TRPM3: variants seen among roughly 807,000 people sequenced by gnomAD.
TRPM3 encodes transient receptor potential cation channel subfamily M member 3, also known as long transient receptor potential channel 3.
A neutral mutation model predicts 181.2 loss-of-function variants in TRPM3; 77 were observed. The ratio of observed to expected loss-of-function variants is 0.42; its 90% CI spans 0.35 to 0.51. The LOEUF (loss-of-function observed/expected upper bound fraction) is 0.51. Among genes scored for constraint, TRPM3 ranks in the 20% least tolerant of loss-of-function variants. TRPM3 has a pLI of 0.01. For synonymous variants in TRPM3, 745 were observed against 796.4 expected (o/e 0.94, Z 1.09); for missense variants, 1,759 against 2,196.7 (o/e 0.80, Z 3.98).
intron 8 of TRPM3, among the ~76,000 whole-genome samples, chr9:70,681,891 C>T (rs2065538640): frequency 6.6e-6 from 1 of 152,162 alleles, no homozygotes; most frequent in African/African-American, 2.4e-5. Context: ...AATGTGATAG[C>T]TTTAGGAGGT....
chr9:71,201,200 T>C (rs5907973), intron 1 of TRPM3, among the ~76,000 whole-genome samples: 64,588 of 151,154 alleles, frequency 0.43, 14,189 homozygotes, highest in East Asian at 0.52. Context: ...TGAATATTGG[T>C]CCCCACTCTC....
At chr9:71,298,094 GA>G (rs11288806) in intron 1 of TRPM3, among the ~76,000 whole-genome samples, 22,793 of 142,348 alleles carry the variant, frequency 0.16, 2,015 homozygotes, top group Admixed American at 0.26. Flanking sequence ...TCTGCCACCA[GA>G]AAAAAAAAAA....
At chr9:70,621,157 TTA>T in intron 15 of TRPM3, 85 bp downstream of exon 15, 1 of 487,870 alleles carries the variant, frequency 2.0e-6, no homozygotes, top group Non-Finnish European at 3.0e-6. Context: ...ATATATTATT[TTA>T]TATATATACT....
chr9:70,652,094 C>T (rs539567342), intron 9 of TRPM3, among the ~76,000 whole-genome samples: 4 of 152,024 alleles, frequency 2.6e-5, no homozygotes, highest in South Asian at 2.1e-4. Flanking sequence ...AAAAAATGCT[C>T]GGAATTGGCA....
intron 1 of TRPM3, among the ~76,000 whole-genome samples, chr9:71,248,867 T>G (rs1354111892): frequency 6.6e-6 from 1 of 152,184 alleles, no homozygotes; most frequent in Non-Finnish European, 1.5e-5. Context: ...GTGAGCTTTA[T>G]GGCTCAAAAC....
At chr9:70,796,496 G>T (rs17553998) in intron 6 of TRPM3, among the ~76,000 whole-genome samples, 14 of 152,062 alleles carry the variant, frequency 9.2e-5, no homozygotes, top group South Asian at 2.1e-4. Context: ...TTGTCTCTGC[G>T]AGGAACATAT....
intron 1 of TRPM3, among the ~76,000 whole-genome samples, chr9:71,288,139 T>G (rs1373852373): frequency 1.3e-5 from 2 of 151,822 alleles, no homozygotes; most frequent in Non-Finnish European, 2.9e-5. Context: ...GTTTTCCCCA[T>G]TATTCCTTGC....
intron 3 of TRPM3, among the ~76,000 whole-genome samples, chr9:70,862,069 T>G (rs982959373): frequency 6.6e-6 from 1 of 152,084 alleles, no homozygotes; most frequent in Non-Finnish European, 1.5e-5. Flanking sequence ...TGGTCTGTAG[T>G]ATGCTTCTTT....
At chr9:70,619,950 C>T (rs1589399469) in intron 16 of TRPM3, 126 bp downstream of exon 16, 2 of 864,952 alleles carry the variant, frequency 2.3e-6, no homozygotes, top group Admixed American at 2.8e-5. Context: ...TGTGTCCATC[C>T]TGTGTGTGCA....
intron 1 of TRPM3, among the ~76,000 whole-genome samples, chr9:71,349,523 A>T (rs1565487203): frequency 6.6e-6 from 1 of 152,220 alleles, no homozygotes; most frequent in Admixed American, 6.5e-5. Context: ...CCTTAAATGG[A>T]GATTGAATTT....
At chr9:71,306,636 GA>G (rs2087352274) in intron 1 of TRPM3, among the ~76,000 whole-genome samples, 1 of 152,144 alleles carries the variant, frequency 6.6e-6, no homozygotes, top group Non-Finnish European at 1.5e-5. Flanking sequence ...AGCACTTTGG[GA>G]GGCTGAGGCA....
At chr9:71,185,687 T>C (rs573908499) in intron 1 of TRPM3, among the ~76,000 whole-genome samples, 3 of 152,054 alleles carry the variant, frequency 2.0e-5, no homozygotes, top group Non-Finnish European at 4.4e-5. Flanking sequence ...TGTAGTCTCA[T>C]TGCATATGAC....
chr9:70,936,343 C>T (rs1007100454), intron 1 of TRPM3, among the ~76,000 whole-genome samples: 2 of 152,200 alleles, frequency 1.3e-5, no homozygotes, highest in African/African-American at 4.8e-5. Context: ...GAAGACCTGA[C>T]AGCCATGGAA....
In TRPM3 at chr9:70,912,431, A is replaced by T. The variant is rs560352517; in HGVS notation, c.178-47920T>A. Among the ~76,000 whole-genome samples the T allele has an allele frequency of 5.9e-5, 9 of 152,352 alleles. No homozygotes were observed. The East Asian group carries it at 1.7e-3, about 29-fold the overall frequency. On this transcript the variant is annotated intron_variant, in intron 1 of 25. Coordinates refer to ENST00000677713, the MANE Select transcript of TRPM3 (RefSeq NM_001366145.2). ...AAGAAGTAAAAACAACTCTCCTAAG[A>T]TGATGTTCTGAGTAGCTGCCTCATG... is the stretch of plus-strand genomic sequence containing the variant.
At chr9:70,547,459 T>C (rs1341439399) in intron 25 of TRPM3, among the ~76,000 whole-genome samples, 1 of 151,454 alleles carries the variant, frequency 6.6e-6, no homozygotes, top group Non-Finnish European at 1.5e-5. Flanking sequence ...TGTTCCCTTG[T>C]GCATCCCATG....
intron 5 of TRPM3, among the ~76,000 whole-genome samples, chr9:70,842,380 T>C (rs893107391): frequency 1.3e-5 from 2 of 151,048 alleles, no homozygotes; most frequent in African/African-American, 4.9e-5. Context: ...ATTCAAAGTA[T>C]TTTGCATTGC....
At chr9:70,809,495 A>G (rs1435769825) in intron 6 of TRPM3, among the ~76,000 whole-genome samples, 1 of 152,184 alleles carries the variant, frequency 6.6e-6, no homozygotes, top group African/African-American at 2.4e-5. Flanking sequence ...GTTTAGATAC[A>G]CAAATACTTA....
chr9:71,406,935 GCT>G (rs2093446948), intron 1 of TRPM3, among the ~76,000 whole-genome samples: 2 of 152,040 alleles, frequency 1.3e-5, no homozygotes, highest in Admixed American at 6.6e-5. Context: ...CTGCAAAGAA[GCT>G]CTGATCCACA....
rs74391503 is a variant in TRPM3, at chr9:71,303,210, A to T, written c.183+143443T>A. Among the ~76,000 whole-genome samples, 30 of 152,344 alleles carry T rather than the reference A, an allele frequency of 2.0e-4. 1 individual carries two copies. In the East Asian group the frequency reaches 5.8e-3, roughly 29 times the overall value. On this transcript the variant is annotated intron_variant, in intron 1 of 24. Transcript: ENST00000357533. ...GATGGGACAAAATAACCCTGGACTCATTGCCCTATAAAAAACCTAAACTGT... is the reference window on the plus strand; with the variant it reads ...GATGGGACAAAATAACCCTGGACTCTTTGCCCTATAAAAAACCTAAACTGT...
Sources: gnomAD v4.1 joint callset for allele counts (sites outside exome capture counted in the v4.1 genomes callset) on GRCh38, gnomAD v4.1.1 for gene constraint, MANE v1.5 for transcripts, NCBI Gene and HGNC (gene_info 2026-07-23, HGNC 2026-07-21) for gene names.